KCNMA1: variants seen among roughly 807,000 people sequenced by gnomAD.
The protein encoded by KCNMA1 is Calcium-activated potassium channel subunit alpha-1.
A neutral mutation model predicts 140.0 loss-of-function variants in KCNMA1; 29 were observed. The observed-to-expected ratio is 0.21, with a 90% CI of 0.15 to 0.28. The LOEUF is 0.28. KCNMA1 is among the 10% of genes least tolerant of loss of function. KCNMA1 has a pLI of 1.00. For missense variants in KCNMA1, 880 were observed against 1,602.2 expected, an observed-to-expected ratio of 0.55 and a Z score of 7.70; for synonymous variants, 612 against 611.9, an observed-to-expected ratio of 1.00 and a Z score of 0.00.
chr10:76,976,658 G>A (rs1055704598), intron 19 of KCNMA1, among the ~76,000 whole-genome samples: 3 of 152,036 alleles, frequency 2.0e-5, no homozygotes, highest in Non-Finnish European at 4.4e-5. Context: ...ATCTAGAATC[G>A]CAGCTCATAT....
At chr10:77,338,409 C>T (rs2089917980) in intron 2 of KCNMA1, among the ~76,000 whole-genome samples, 1 of 152,194 alleles carries the variant, frequency 6.6e-6, no homozygotes. Flanking sequence ...GGCTTTTTCT[C>T]TTTGCCCGGG....
At chr10:77,135,351 G>A in intron 5 of KCNMA1, among the ~76,000 whole-genome samples, 1 of 152,186 alleles carries the variant, frequency 6.6e-6, no homozygotes. Context: ...TTAAGTGTTG[G>A]TGAGGATGTG....
At chr10:76,980,688 A>T (rs2079162360) in intron 19 of KCNMA1, 1 of 152,180 alleles carries the variant, frequency 6.6e-6, no homozygotes, top group South Asian at 2.1e-4. Flanking sequence ...TCAGCTGCTC[A>T]AATGCCCCAC....
intron 2 of KCNMA1, among the ~76,000 whole-genome samples, chr10:77,314,710 T>C (rs1221878433): frequency 2.0e-5 from 3 of 152,158 alleles, no homozygotes; most frequent in Non-Finnish European, 4.4e-5. Context: ...TGAACCCATG[T>C]TAGCTCCTGG....
At chr10:77,181,660 C>A (rs7083476) in intron 5 of KCNMA1, among the ~76,000 whole-genome samples, 36,791 of 152,004 alleles carry the variant, frequency 0.24, 4,810 homozygotes, top group Middle Eastern at 0.31. Flanking sequence ...GCACCCAGGG[C>A]CACGTAAGTT....
intron 5 of KCNMA1, among the ~76,000 whole-genome samples, chr10:77,161,960 T>C (rs1161267672): frequency 1.3e-5 from 2 of 152,264 alleles, no homozygotes; most frequent in Non-Finnish European, 2.9e-5. Context: ...CTATGATCCA[T>C]ATGTATCTAT....
intron 2 of KCNMA1, among the ~76,000 whole-genome samples, chr10:77,386,246 C>T (rs979201164): frequency 2.0e-5 from 3 of 152,216 alleles, no homozygotes; most frequent in African/African-American, 4.8e-5. Context: ...AAATCTAATC[C>T]TGACAAAGAA....
intron 26 of KCNMA1, 172 bp from the exon 27 acceptor site, chr10:76,889,741 C>A: frequency 3.0e-6 from 2 of 677,934 alleles, no homozygotes; most frequent in Non-Finnish European, 5.3e-6. Context: ...ACAGACTACA[C>A]CCAATATGTG....
chr10:76,887,274 G>A lies in KCNMA1; in HGVS notation c.3703C>T (p.Arg1235Trp), dbSNP rs139370249. The A allele has an allele frequency of 4.3e-6, 7 of 1,613,968 alleles. No homozygotes were observed. In the South Asian group the frequency reaches 4.4e-5, roughly 10 times the overall value. The part of the protein sequence containing the change: ...RDKQKYVQEE[R>W]L ...GGCGGTGGATACACATATCAAAGCC[G>A]CTCTTCCTGCACGTACTTCTGTTTG... Residue 1235 changes from arginine to tryptophan, a missense_variant, in exon 28 of 28, where the codon CGG becomes TGG. Physicochemically the swap from Arg to Trp is moderately radical, Grantham distance 101. Coordinates refer to ENST00000286628, the MANE Select transcript of KCNMA1 (RefSeq NM_001161352.2).
At chr10:77,410,447 C>T (rs1470227221) in intron 1 of KCNMA1, among the ~76,000 whole-genome samples, 4 of 152,340 alleles carry the variant, frequency 2.6e-5, no homozygotes, top group East Asian at 1.9e-4. Context: ...TAGAGCCAAG[C>T]CTTGAAGCTC....
chr10:77,015,553 A>G (rs1323863681), intron 17 of KCNMA1, among the ~76,000 whole-genome samples: 1 of 151,932 alleles, frequency 6.6e-6, no homozygotes, highest in East Asian at 1.9e-4. Flanking sequence ...TTCATCTCCA[A>G]TTCACACTTA....
chr10:77,251,150 G>C, intron 3 of KCNMA1, 45 bp downstream of exon 3: 1 of 1,423,276 alleles, frequency 7.0e-7, no homozygotes, highest in Non-Finnish European at 9.9e-7. Flanking sequence ...AAAGGCTCAT[G>C]ATTGTTTATG....
At chr10:76,977,509 T>C (rs1313456411) in intron 19 of KCNMA1, 2 of 702,490 alleles carry the variant, frequency 2.8e-6, no homozygotes, top group African/African-American at 1.7e-5. Flanking sequence ...AGAGACCATA[T>C]GGGTTGCAAA....
chr10:77,189,133 G>A lies in KCNMA1; in HGVS notation c.603-4217C>T, dbSNP rs182209269. 1.6e-4 allele frequency among the ~76,000 whole-genome samples: 24 copies of A among 152,218 alleles called. No individual in the cohort carries two copies. In the East Asian group the frequency reaches 4.5e-3, roughly 28 times the overall value. ...GTTTGGGGTGGGGGCCCTAGATTTT[G>A]CATTTCTTACAGTTTCCCAGATAAT... On this transcript the variant is annotated intron_variant, in intron 3 of 27. Coordinates refer to ENST00000286628, the MANE Select transcript of KCNMA1 (RefSeq NM_001161352.2).
chr10:77,528,619 AAAAAG>A (rs905284440), intron 1 of KCNMA1, among the ~76,000 whole-genome samples: 1 of 151,192 alleles, frequency 6.6e-6, no homozygotes, highest in Non-Finnish European at 1.5e-5. Flanking sequence ...AAAAAAAAAA[AAAAAG>A]AAAAGAAAAG....
intron 2 of KCNMA1, among the ~76,000 whole-genome samples, chr10:77,356,791 C>T (rs10824533): frequency 0.2 from 30,093 of 152,040 alleles, 3,250 homozygotes; most frequent in East Asian, 0.33. Context: ...CCTCCACCTT[C>T]CATCTCCAGG....
At chr10:77,305,374 T>C (rs2077443752) in intron 2 of KCNMA1, among the ~76,000 whole-genome samples, 2 of 152,164 alleles carry the variant, frequency 1.3e-5, no homozygotes, top group Non-Finnish European at 2.9e-5. Flanking sequence ...CCCTTTGAGG[T>C]TGAGGGCATG....
intron 23 of KCNMA1, among the ~76,000 whole-genome samples, chr10:76,936,246 T>A (rs1256314056): frequency 2.0e-5 from 3 of 152,192 alleles, no homozygotes; most frequent in African/African-American, 7.2e-5. Flanking sequence ...CTCAGAGCCC[T>A]AAGCCAGATT....
At chr10:77,448,985 G>A (rs2097579515) in intron 1 of KCNMA1, among the ~76,000 whole-genome samples, 1 of 151,940 alleles carries the variant, frequency 6.6e-6, no homozygotes, top group African/African-American at 2.4e-5. Context: ...TACTCATGAG[G>A]CTGATGCAGG....
Sources: allele counts gnomAD v4.1 joint callset (sites outside exome capture counted in the v4.1 genomes callset), GRCh38; gene constraint gnomAD v4.1.1; transcripts MANE v1.5; gene names NCBI Gene and HGNC (gene_info 2026-07-23, HGNC 2026-07-21).